The following OR3A2 variants were observed in gnomAD, a reference collection of about 807,000 sequenced individuals.
The protein encoded by OR3A2 is olfactory receptor 3A2.
For missense variants in OR3A2, 318 were observed against 392.8 expected (o/e 0.81, Z 1.61); for synonymous variants, 126 against 159.3 (o/e 0.79, Z 1.57).
intron 2 of OR3A2, among the ~76,000 whole-genome samples, chr17:3,359,948 G>T (rs571539001): frequency 1.3e-5 from 2 of 151,880 alleles, no homozygotes; most frequent in Non-Finnish European, 2.9e-5. Context: ...TAATGGGATG[G>T]CTGGATCAAA....
rs576876146 is a variant in OR3A2, at chr17:3,366,756, T to C, written c.-179+17048A>G. 1.8e-4 allele frequency among the ~76,000 whole-genome samples: 28 copies of C among 152,348 alleles called. No homozygotes were observed. In the South Asian group the frequency reaches 5.8e-3, roughly 32 times the overall value. ...GGTCAGTGTTCTGGGCTTTGTACTC[T>C]GTGCTGTACTGAGGGAAATTCCAGG... On this transcript the variant is annotated intron_variant, in intron 2 of 4. Coordinates refer to the OR3A2 transcript ENST00000573491.
intron 3 of OR3A2, among the ~76,000 whole-genome samples, chr17:3,332,426 C>T (rs1266093972): frequency 6.6e-6 from 1 of 151,818 alleles, no homozygotes; most frequent in African/African-American, 2.4e-5. Context: ...TGCTGCAGTC[C>T]GAAAAGCGCA....
Position 3,292,146 on chromosome 17 carries a change from A to G in OR3A2, c.-84-12993T>C, listed in dbSNP as rs769293966. The G allele has an allele frequency of 1.2e-6, 2 of 1,614,070 alleles. No individual in the cohort carries two copies. The highest frequency in any genetic ancestry group is 4.5e-5 in the East Asian group (2 of 44,894). ...ACAAGCCCAGGACGCAGCCACCAACATCCTCTGGACTGTCTGACTCATGCG... is the reference window on the plus strand; with the variant it reads ...ACAAGCCCAGGACGCAGCCACCAACGTCCTCTGGACTGTCTGACTCATGCG... On this transcript the variant is annotated intron_variant, in intron 3 of 4. Coordinates refer to the OR3A2 transcript ENST00000573491.
At chr17:3,378,330 CTGAG>C (rs2049702311) in intron 2 of OR3A2, among the ~76,000 whole-genome samples, 1 of 152,206 alleles carries the variant, frequency 6.6e-6, no homozygotes, top group African/African-American at 2.4e-5. Flanking sequence ...CGTCAGCCCC[CTGAG>C]TGTGTGCACA....
chr17:3,343,939 C>A (rs1035051501), intron 2 of OR3A2, among the ~76,000 whole-genome samples: 1 of 152,132 alleles, frequency 6.6e-6, no homozygotes, highest in Admixed American at 6.6e-5. Context: ...CCATGGACAA[C>A]CTATGTCATC....
chr17:3,366,474 G>A (rs1045979813), intron 2 of OR3A2, among the ~76,000 whole-genome samples: 1 of 152,148 alleles, frequency 6.6e-6, no homozygotes. Context: ...ACAGTTCCTG[G>A]ATGCCACAAA....
intron 3 of OR3A2, among the ~76,000 whole-genome samples, chr17:3,332,389 C>T (rs1395491579): frequency 5.3e-5 from 8 of 152,216 alleles, no homozygotes; most frequent in African/African-American, 1.7e-4. Flanking sequence ...ACCCTCCGAG[C>T]CAGGTGCAGG....
rs1567549179 is a variant in OR3A2, at chr17:3,306,697, C to CT, written c.-84-27545_-84-27544insA. ...TACTCTTCAAAAAAAAAAAAAAAAC[C>CT]GTAACCCCTTTTATTTTCTCCACTT... On this transcript the variant is annotated intron_variant, in intron 3 of 4. Transcript: ENST00000573491. Among the ~76,000 whole-genome samples the CT allele has an allele frequency of 6.7e-3, 950 of 142,772 alleles. 75 individuals carry two copies. The highest frequency in any genetic ancestry group is 0.024 in the African/African-American group (865 of 36,648). The allele number at this position is 142,772 out of a possible 152,430, so 93.7% of individuals were successfully genotyped here. A position where few individuals can be genotyped will look rare whatever the true frequency, so the allele number is the denominator to read the frequency against.
chr17:3,381,442 CTA>C (rs1245146876), intron 2 of OR3A2, among the ~76,000 whole-genome samples: 3 of 152,012 alleles, frequency 2.0e-5, no homozygotes, highest in Non-Finnish European at 2.9e-5. Context: ...GAGGAAAGGG[CTA>C]TGTGTCCACA....
chr17:3,371,146 G>A (rs916839002), intron 2 of OR3A2, among the ~76,000 whole-genome samples: 5 of 151,962 alleles, frequency 3.3e-5, no homozygotes, highest in African/African-American at 7.2e-5. Context: ...CCTCCCAGAC[G>A]GGGTGGTGGC....
intron 3 of OR3A2, among the ~76,000 whole-genome samples, chr17:3,303,871 G>A (rs1023368443): frequency 6.7e-6 from 1 of 149,722 alleles, no homozygotes; most frequent in Non-Finnish European, 1.5e-5. Flanking sequence ...CAGCCTGGGC[G>A]ATAGAGTGAG....
intron 3 of OR3A2, among the ~76,000 whole-genome samples, chr17:3,296,961 C>T (rs2048923737): frequency 6.6e-6 from 1 of 152,172 alleles, no homozygotes; most frequent in Non-Finnish European, 1.5e-5. Context: ...AGGGGCATAA[C>T]ATCTGGTTCT....
At chr17:3,345,836 C>T (rs1465240673) in intron 2 of OR3A2, among the ~76,000 whole-genome samples, 1 of 151,816 alleles carries the variant, frequency 6.6e-6, no homozygotes. Context: ...AATAAAGTAC[C>T]CACATTCAAA....
chr17:3,333,996 T>A (rs399126), intron 3 of OR3A2, among the ~76,000 whole-genome samples: 2 of 151,872 alleles, frequency 1.3e-5, no homozygotes, highest in East Asian at 3.9e-4. Context: ...CAAAAACATA[T>A]GAAAAAAAGC....
intron 2 of OR3A2, among the ~76,000 whole-genome samples, chr17:3,371,347 G>C (rs1350745261): frequency 6.7e-6 from 1 of 150,142 alleles, no homozygotes; most frequent in Non-Finnish European, 1.5e-5. Flanking sequence ...TCATCTCCCG[G>C]ACGAGGCGGC....
At chr17:3,371,956 T>G (rs2049630960) in intron 2 of OR3A2, among the ~76,000 whole-genome samples, 1 of 146,516 alleles carries the variant, frequency 6.8e-6, no homozygotes. Context: ...ACGGGGTGGC[T>G]GCCAGGCGGA....
At chr17:3,295,096 T>C (rs1392759192) in intron 3 of OR3A2, among the ~76,000 whole-genome samples, 1 of 151,994 alleles carries the variant, frequency 6.6e-6, no homozygotes, top group African/African-American at 2.4e-5. Flanking sequence ...TTTGTGAAAA[T>C]TGTAAGTATG....
chr17:3,363,009 G>T (rs1316880564), intron 2 of OR3A2, among the ~76,000 whole-genome samples: 1 of 151,870 alleles, frequency 6.6e-6, no homozygotes, highest in African/African-American at 2.4e-5. Context: ...CAGAGCAGTG[G>T]GGGCCTGGAC....
intron 2 of OR3A2, among the ~76,000 whole-genome samples, chr17:3,340,724 G>A (rs922487477): frequency 6.3e-5 from 8 of 126,838 alleles, no homozygotes; most frequent in African/African-American, 2.5e-4. Flanking sequence ...GTGGTGCTGA[G>A]AAGAATGTAT....
Sources: gnomAD v4.1 joint callset for allele counts (sites outside exome capture counted in the v4.1 genomes callset) on GRCh38, gnomAD v4.1.1 for gene constraint, MANE v1.5 for transcripts, NCBI Gene and HGNC (gene_info 2026-07-23, HGNC 2026-07-21) for gene names.